Variants in ZNF385D observed in about 807,000 individuals in gnomAD.
ZNF385D encodes zinc finger protein 385D.
A neutral mutation model predicts 35.8 loss-of-function variants in ZNF385D; 15 were observed. That is an observed-to-expected ratio of 0.42 (90% confidence interval 0.28 to 0.64). The LOEUF (loss-of-function observed/expected upper bound fraction) is 0.64. Ranked by LOEUF, ZNF385D falls within the 30% of genes least tolerant of loss-of-function variation. The pLI is 0.23. For synonymous variants in ZNF385D, 212 were observed against 186.8 expected (o/e 1.13, Z -1.10); for missense variants, 474 against 494.6 (o/e 0.96, Z 0.39).
At chr3:22,144,807 T>C (rs1389025539) in intron 3 of ZNF385D, among the ~76,000 whole-genome samples, 1 of 152,140 alleles carries the variant, frequency 6.6e-6, no homozygotes, top group Non-Finnish European at 1.5e-5. Context: ...AGCTGTATTT[T>C]CAAAATCAAA....
At chr3:21,900,326 C>CAAATGGAAAATA (rs1268065023) in intron 3 of ZNF385D, among the ~76,000 whole-genome samples, 1 of 151,912 alleles carries the variant, frequency 6.6e-6, no homozygotes, top group African/African-American at 2.4e-5. Flanking sequence ...TGGAAAAAAT[C>CAAATGGAAAATA]AAATGGAAAA....
chr3:22,063,163 AT>A (rs1699773542), intron 3 of ZNF385D, among the ~76,000 whole-genome samples: 2 of 152,126 alleles, frequency 1.3e-5, no homozygotes, highest in Admixed American at 1.3e-4. Context: ...ATTTTGGTTA[AT>A]TTTTTTAACC....
At chr3:22,012,607 T>C (rs747169310) in intron 3 of ZNF385D, among the ~76,000 whole-genome samples, 1 of 78,188 alleles carries the variant, frequency 1.3e-5, no homozygotes, top group Non-Finnish European at 3.2e-5. Flanking sequence ...AATGATTAAC[T>C]AATGAGATAG....
rs377359060 is a variant in ZNF385D at position 21,902,174 on chromosome 3, T to G, written c.326-237146A>C. Among the ~76,000 whole-genome samples the G allele has an allele frequency of 3.9e-5, 6 of 152,164 alleles. No individual in the cohort carries two copies. The East Asian group carries it at 9.6e-4, about 24-fold the overall frequency. ...ACACATTTAAAACTTTATTTCAAAT[T>G]AAATTTAAGCTTAAAACCTTCAAGG... On this transcript the variant is annotated intron_variant, in intron 3 of 5. Transcript: ENST00000494108.
chr3:21,853,507 CTTT>C (rs753500007), intron 3 of ZNF385D, among the ~76,000 whole-genome samples: 719 of 45,258 alleles, frequency 0.016, 7 homozygotes, highest in African/African-American at 0.045. Context: ...AATTGCAGTC[CTTT>C]TTTTTTTTTT....
chr3:22,253,257 T>A (rs918105485), intron 2 of ZNF385D, among the ~76,000 whole-genome samples: 1 of 151,936 alleles, frequency 6.6e-6, no homozygotes, highest in Non-Finnish European at 1.5e-5. Flanking sequence ...TAGATTTTAA[T>A]GGTAGGATGG....
chr3:22,062,535 T>C (rs1243528043), intron 3 of ZNF385D, among the ~76,000 whole-genome samples: 2 of 152,198 alleles, frequency 1.3e-5, no homozygotes, highest in Non-Finnish European at 2.9e-5. Context: ...TAACTTGTGA[T>C]CAAAATTTGA....
chr3:21,555,537 A>G lies in ZNF385D; in HGVS notation c.276+9037T>C, dbSNP rs928459712. ...CTTCATCCATGTCCCTGCAAAGGACATGAATTCATCCTTTTTTATGGCTGC... is the reference window on the plus strand; with the variant it reads ...CTTCATCCATGTCCCTGCAAAGGACGTGAATTCATCCTTTTTTATGGCTGC... On this transcript the variant is annotated intron_variant, in intron 3 of 7. Transcript: ENST00000281523. Among the ~76,000 whole-genome samples, 5 of 145,080 alleles carry G rather than the reference A, an allele frequency of 3.4e-5. No homozygotes were observed. The South Asian group carries it at 1.1e-3, about 31-fold the overall frequency.
At chr3:21,683,021 C>A (rs1186318869) in intron 1 of ZNF385D, among the ~76,000 whole-genome samples, 1 of 149,878 alleles carries the variant, frequency 6.7e-6, no homozygotes, top group East Asian at 2.0e-4. Context: ...AAGACACAGA[C>A]TTCTGATGTC....
intron 4 of ZNF385D, among the ~76,000 whole-genome samples, chr3:21,479,332 C>T (rs1329469196): frequency 6.6e-6 from 1 of 151,854 alleles, no homozygotes; most frequent in Non-Finnish European, 1.5e-5. Flanking sequence ...CATAATTTAG[C>T]ATGTGTAATT....
chr3:22,050,818 T>C (rs1238201877), intron 3 of ZNF385D, among the ~76,000 whole-genome samples: 5 of 152,224 alleles, frequency 3.3e-5, no homozygotes, highest in Admixed American at 2.0e-4. Flanking sequence ...CGAATATCTG[T>C]TCCTGACTTT....
chr3:21,882,643 G>C (rs1698339304), intron 3 of ZNF385D, among the ~76,000 whole-genome samples: 1 of 151,922 alleles, frequency 6.6e-6, no homozygotes. Context: ...ATCAAAATTT[G>C]CATTTTAACA....
intron 3 of ZNF385D, among the ~76,000 whole-genome samples, chr3:21,548,891 C>T (rs967455076): frequency 2.6e-5 from 4 of 152,170 alleles, no homozygotes; most frequent in African/African-American, 7.2e-5. Context: ...AAAAAGTCAA[C>T]TAAATATTTT....
At chr3:21,506,833 A>T (rs890217821) in intron 4 of ZNF385D, among the ~76,000 whole-genome samples, 6 of 152,156 alleles carry the variant, frequency 3.9e-5, no homozygotes, top group African/African-American at 1.4e-4. Context: ...AAGAACTAAA[A>T]TTGTTCTTTA....
chr3:21,991,973 A>G (rs1012364950), intron 3 of ZNF385D, among the ~76,000 whole-genome samples: 4 of 152,200 alleles, frequency 2.6e-5, no homozygotes, highest in African/African-American at 9.6e-5. Flanking sequence ...ATCTTGGCTT[A>G]TCTACTATCT....
chr3:21,652,003 C>G (rs1215273126), intron 2 of ZNF385D, among the ~76,000 whole-genome samples: 1 of 152,138 alleles, frequency 6.6e-6, no homozygotes, highest in Non-Finnish European at 1.5e-5. Context: ...AACATCATCT[C>G]AATCAGATTC....
intron 1 of ZNF385D, 42 bp from the exon 2 acceptor site, chr3:21,665,070 C>A: frequency 6.6e-7 from 1 of 1,524,246 alleles, no homozygotes; most frequent in Admixed American, 2.3e-5. Flanking sequence ...GGACACCACG[C>A]ATGGAAAAAA....
chr3:21,810,469 A>G (rs146677366), intron 3 of ZNF385D, among the ~76,000 whole-genome samples: 13,316 of 152,178 alleles, frequency 0.088, 712 homozygotes, highest in Middle Eastern at 0.12. Context: ...ACATGTATAC[A>G]TATGTATCAA....
chr3:21,679,569 G>T (rs1030313775), intron 1 of ZNF385D, among the ~76,000 whole-genome samples: 7 of 151,974 alleles, frequency 4.6e-5, no homozygotes, highest in African/African-American at 1.7e-4. Context: ...CCAGAGAGAA[G>T]AAATGAAAAT....
Sources: allele counts gnomAD v4.1 joint callset (sites outside exome capture counted in the v4.1 genomes callset), GRCh38; gene constraint gnomAD v4.1.1; transcripts MANE v1.5; gene names NCBI Gene and HGNC (gene_info 2026-07-23, HGNC 2026-07-21).